Variants in NFX1 observed in about 807,000 individuals in gnomAD.
NFX1 encodes nuclear transcription factor, X-box binding 1.
A neutral mutation model predicts 137.2 loss-of-function variants in NFX1; 69 were observed. That is an observed-to-expected ratio of 0.50 (90% CI 0.41 to 0.61). The LOEUF (loss-of-function observed/expected upper bound fraction) is 0.61. Ranked by LOEUF, NFX1 falls within the 20% of genes least tolerant of loss-of-function variation. The probability of loss-of-function intolerance (pLI) is 0.00; values close to 1 mark genes in which losing one functional copy is unlikely to be tolerated. For missense variants in NFX1, 1,167 were observed against 1,391.0 expected (o/e 0.84, Z 2.56); for synonymous variants, 495 against 474.1 (o/e 1.04, Z -0.57).
At chr9:33,302,311 C>T (rs948787766) in intron 3 of NFX1, among the ~76,000 whole-genome samples, 2 of 151,024 alleles carry the variant, frequency 1.3e-5, no homozygotes, top group South Asian at 4.2e-4. Flanking sequence ...TTGTTGTTAG[C>T]CATAGTGCTA....
At chr9:33,335,332 G>A (rs78085919) in intron 11 of NFX1, among the ~76,000 whole-genome samples, 8,297 of 149,022 alleles carry the variant, frequency 0.056, 256 homozygotes, top group East Asian at 0.095. Context: ...CTGGGCTCAA[G>A]CAATTCTCCT....
intron 19 of NFX1, among the ~76,000 whole-genome samples, chr9:33,358,193 C>T (rs180765120): frequency 7.3e-5 from 11 of 150,730 alleles, no homozygotes; most frequent in Admixed American, 6.6e-4. Context: ...GGTGTGATCT[C>T]GGCTCACTGC....
At chr9:33,318,480 G>T (rs968518739) in intron 7 of NFX1, among the ~76,000 whole-genome samples, 9 of 152,200 alleles carry the variant, frequency 5.9e-5, no homozygotes, top group African/African-American at 1.9e-4. Flanking sequence ...GAGGCACTAT[G>T]AGATATTAAT....
intron 19 of NFX1, among the ~76,000 whole-genome samples, chr9:33,357,264 T>C (rs998687213): frequency 1.3e-5 from 2 of 152,000 alleles, no homozygotes; most frequent in South Asian, 2.1e-4. Context: ...ATGGTGCCAC[T>C]GCACTCTAGC....
chr9:33,369,811 A>T (rs1037909433), intron 23 of NFX1, 95 bp from the exon 24 acceptor site: 6 of 878,496 alleles, frequency 6.8e-6, no homozygotes, highest in African/African-American at 1.7e-5. Flanking sequence ...TTTAAGATTC[A>T]CAAATGGTAA....
rs756781204 is a variant in NFX1 at position 33,344,109 on chromosome 9, T to G, written c.2265T>G (p.Ile755Met). The change falls in exon 14 of 24, where the codon ATT (isoleucine) becomes ATG (methionine). Residue 755 changes from isoleucine to methionine, a missense_variant. Ile to Met is a conservative substitution (Grantham distance 10, BLOSUM62 1). This residue lies in a region of NFX1 where 488 missense variants were observed against 691.5 expected (regional missense o/e 0.71). Transcript: ENST00000379540. The stretch of plus-strand genomic sequence containing the variant: ...CCTGCCATTGTGGTGCATCAGTGAT[T>G]TACCCTCCAGTTCCCTGTGGTACTA... ...ELTCHCGASV[I>M]YPPVPCGTRP... 43 of 1,613,958 alleles carry G rather than the reference T, an allele frequency of 2.7e-5. No individual in the cohort carries two copies. In the Admixed American group the frequency reaches 7.2e-4, roughly 27 times the overall value.
At chr9:33,290,872 T>C (rs1029658644) in intron 1 of NFX1, among the ~76,000 whole-genome samples, 4 of 152,210 alleles carry the variant, frequency 2.6e-5, no homozygotes, top group African/African-American at 9.6e-5. Flanking sequence ...CCACAGGCTG[T>C]TTCTGGGGCA....
chr9:33,358,863 T>G (rs537043951), intron 19 of NFX1, among the ~76,000 whole-genome samples: 22 of 151,512 alleles, frequency 1.5e-4, no homozygotes, highest in African/African-American at 3.9e-4. Context: ...CCAGCTAATT[T>G]TTTTGTTTTT....
intron 13 of NFX1, among the ~76,000 whole-genome samples, chr9:33,343,124 C>T (rs996083533): frequency 5.9e-5 from 9 of 152,008 alleles, no homozygotes; most frequent in Non-Finnish European, 1.3e-4. Context: ...GTGTTATTGA[C>T]CTAGGTTCTG....
chr9:33,298,506 G>A (rs1821438756), intron 2 of NFX1, among the ~76,000 whole-genome samples: 1 of 152,180 alleles, frequency 6.6e-6, no homozygotes, highest in Non-Finnish European at 1.5e-5. Flanking sequence ...GTCTGGATGT[G>A]GTGGCTCACA....
intron 1 of NFX1, among the ~76,000 whole-genome samples, chr9:33,292,245 GTGCTTTAGTTTGATTT>G (rs1245052557): frequency 3.0e-4 from 46 of 152,284 alleles, no homozygotes; most frequent in African/African-American, 1.1e-3. Context: ...TCCTTTTCAT[GTGCTTTAGTTTGATTT>G]TGCTTTAGTT....
Position 33,295,193 on chromosome 9 carries a change from C to T in NFX1, c.799C>T (p.His267Tyr). Residue 267 changes from histidine (H) to tyrosine (Y), a missense_variant, in exon 2 of 24, where the codon CAC becomes TAC. This residue lies in a region of NFX1 where 367 missense variants were observed against 386.7 expected (regional missense o/e 0.95). Transcript: ENST00000379540. ...PGRNPPKQEG[H>Y]RHTNAGHRNN... is the part of the protein sequence containing the mutation. The stretch of plus-strand genomic sequence containing the variant: ...CAGAAATCCACCAAAACAGGAGGGC[C>T]ACCGACATACAAACGCAGGACACAG... 4 of 1,614,096 alleles carry T rather than the reference C, an allele frequency of 2.5e-6. No homozygotes were observed. Among genetic ancestry groups the T allele is most frequent in the Non-Finnish European group, 3.4e-6 (4 of 1,180,004 alleles).
At chr9:33,349,448 G>GT (rs1012827693) in intron 15 of NFX1, among the ~76,000 whole-genome samples, 1 of 152,186 alleles carries the variant, frequency 6.6e-6, no homozygotes, top group Non-Finnish European at 1.5e-5. Context: ...ATGGGTAAGT[G>GT]TTTAATGATT....
Position 33,311,086 on chromosome 9 carries a change from G to C in NFX1, c.1377-20G>C, listed in dbSNP as rs779645956. 6 of 1,613,650 alleles carry C rather than the reference G, an allele frequency of 3.7e-6. No homozygotes were observed. The Admixed American group carries it at 1.0e-4, about 27-fold the overall frequency. On this transcript the variant is annotated intron_variant, in intron 5 of 23. Transcript: ENST00000379540. ...TGGATACATGGCTGTGGTTTATTCA[G>C]TGAAACCTTTCTCTTTCAGTCTCTG...
At chr9:33,325,912 T>G (rs1020708789) in intron 9 of NFX1, among the ~76,000 whole-genome samples, 3 of 152,138 alleles carry the variant, frequency 2.0e-5, no homozygotes, top group African/African-American at 7.2e-5. Context: ...AATGCATATT[T>G]CTTCTTCTCA....
At chr9:33,314,157 T>C (rs368773686) in intron 7 of NFX1, among the ~76,000 whole-genome samples, 76 of 152,092 alleles carry the variant, frequency 5.0e-4, no homozygotes, top group Admixed American at 2.3e-3. Context: ...CTAATTTTTG[T>C]GTTTTTAGTA....
chr9:33,321,972 G>A (rs962095889), intron 9 of NFX1, among the ~76,000 whole-genome samples: 14 of 151,902 alleles, frequency 9.2e-5, no homozygotes, highest in Non-Finnish European at 1.9e-4. Context: ...ATGCTGAGGT[G>A]GGCAGATCAC....
chr9:33,292,565 A>G (rs1241366542), intron 1 of NFX1, among the ~76,000 whole-genome samples: 4 of 152,212 alleles, frequency 2.6e-5, no homozygotes, highest in African/African-American at 9.6e-5. Context: ...AAATAGTGAA[A>G]TAAAAATGGT....
At chr9:33,364,308 G>T (rs191153028) in intron 20 of NFX1, among the ~76,000 whole-genome samples, 200 bp downstream of exon 20, 1 of 152,276 alleles carries the variant, frequency 6.6e-6, no homozygotes, top group East Asian at 1.9e-4. Context: ...AACTGAACTT[G>T]GGGTAGGGTT....
Sources: allele counts gnomAD v4.1 joint callset (sites outside exome capture counted in the v4.1 genomes callset), GRCh38; gene constraint gnomAD v4.1.1; regional missense constraint gnomAD v4.1.1; transcripts MANE v1.5; gene names NCBI Gene and HGNC (gene_info 2026-07-23, HGNC 2026-07-21).